AKT2: variants seen among roughly 807,000 people sequenced by gnomAD.
AKT2 encodes RAC-beta serine/threonine-protein kinase.
In AKT2, 16 loss-of-function variants were observed where a neutral mutation model predicts 58.6. That is an observed-to-expected ratio of 0.27 (90% CI 0.18 to 0.41). The LOEUF (loss-of-function observed/expected upper bound fraction) is 0.41. Among genes scored for constraint, AKT2 ranks in the 10% least tolerant of loss-of-function variants. The probability of loss-of-function intolerance (pLI) is 1.00; values close to 1 mark genes in which losing one functional copy is unlikely to be tolerated. For synonymous variants in AKT2, 253 were observed against 254.0 expected (o/e 1.00, Z 0.04); for missense variants, 438 against 661.0 (o/e 0.66, Z 3.70).
chr19:40,259,504 A>C (rs887691350), intron 2 of AKT2, among the ~76,000 whole-genome samples: 1 of 152,254 alleles, frequency 6.6e-6, no homozygotes, highest in African/African-American at 2.4e-5. Context: ...TACATGAGTA[A>C]ATCTCATTAC....
chr19:40,239,523 G>C, intron 7 of AKT2: 1 of 322,172 alleles, frequency 3.1e-6, no homozygotes, highest in South Asian at 2.6e-5. Context: ...AAGTACTGTG[G>C]CTTAATAGGA....
In AKT2 at chr19:40,232,092, G is replaced by A. The variant is rs530467989; in HGVS notation, c.*1780C>T. 289 of 233,626 alleles carry A rather than the reference G, an allele frequency of 1.2e-3. No homozygotes were observed. Among genetic ancestry groups the A allele is most frequent in the African/African-American group, 5.7e-3 (261 of 45,398 alleles). 14.5% of individuals were successfully genotyped at this position (233,626 alleles called of 1,614,324 possible). A position where few individuals can be genotyped will look rare whatever the true frequency, so the allele number is the denominator to read the frequency against. On this transcript the variant is annotated 3_prime_UTR_variant, in exon 14 of 14. Coordinates refer to ENST00000392038, the MANE Select transcript of AKT2 (RefSeq NM_001626.6). ...GCACTGAGGGCCTGGAGTGGTCTCT[G>A]TCCACCCCACCCCCACATGCGGGGA...
chr19:40,285,181 C>T lies in AKT2; in HGVS notation c.-85G>A, dbSNP rs2077493401. ...CGGGGACACGCGCTGGCGCACTCAC[C>T]TGTCACCGGCAGCCGCCCAGCCTCT... On this transcript the variant is annotated splice_region_variant and 5_prime_UTR_variant, in exon 1 of 14. Coordinates refer to ENST00000392038, the MANE Select transcript of AKT2 (RefSeq NM_001626.6). The T allele has an allele frequency of 2.5e-6, 1 of 394,426 alleles. No individual in the cohort carries two copies. The highest frequency in any genetic ancestry group is 4.5e-6 in the Non-Finnish European group (1 of 223,280). 24.4% of individuals were successfully genotyped at this position (394,426 alleles called of 1,614,324 possible). A position where few individuals can be genotyped will look rare whatever the true frequency, so the allele number is the denominator to read the frequency against.
At position 40,241,931 on chromosome 19, in the gene AKT2, C is replaced by A. The variant is rs2145202027; in HGVS notation, c.573+7G>T. ...AGGCTCGCGAGCGCAATTCCCGGGG[C>A]ACGCACCTTGGCAATGATGACTTCC... is the stretch of plus-strand genomic sequence containing the variant. On this transcript the variant is annotated splice_region_variant and intron_variant, in intron 6 of 13. Transcript: ENST00000392038. 6 of 1,613,702 alleles carry A rather than the reference C, an allele frequency of 3.7e-6. No individual in the cohort carries two copies. The highest frequency in any genetic ancestry group is 5.1e-6 in the Non-Finnish European group (6 of 1,180,028).
chr19:40,284,266 G>A (rs2077474793), intron 1 of AKT2, among the ~76,000 whole-genome samples: 1 of 152,150 alleles, frequency 6.6e-6, no homozygotes, highest in Non-Finnish European at 1.5e-5. Flanking sequence ...AGCGGGTGCA[G>A]GGGCACGGCT....
In AKT2 at chr19:40,230,639, C is replaced by G. The variant is rs1363835912; in HGVS notation, c.*3233G>C. ...GAGGTAATCAGCACCAAAATGAGTA[C>G]TCAAGGCCCTGCGACCTCGGGTGAA... On this transcript the variant is annotated 3_prime_UTR_variant, in exon 14 of 14. Coordinates refer to ENST00000392038, the MANE Select transcript of AKT2 (RefSeq NM_001626.6). 8.9e-6 allele frequency: 2 copies of G among 225,826 alleles called. No individual in the cohort carries two copies. The highest frequency in any genetic ancestry group is 2.2e-5 in the African/African-American group (1 of 44,892). The allele number at this position is 225,826 out of a possible 1,614,324, so 14.0% of individuals were successfully genotyped here.
chr19:40,262,674 C>G (rs183244885), intron 2 of AKT2, among the ~76,000 whole-genome samples: 16 of 152,368 alleles, frequency 1.1e-4, no homozygotes, highest in Admixed American at 8.5e-4. Flanking sequence ...GCTCTACCCA[C>G]TCCTTGCTGA....
intron 2 of AKT2, among the ~76,000 whole-genome samples, chr19:40,258,258 A>C (rs930349097): frequency 4.6e-5 from 7 of 151,082 alleles, no homozygotes; most frequent in Admixed American, 2.0e-4. Flanking sequence ...AAAAAAAAAA[A>C]AAAAACAAAA....
chr19:40,256,414 A>G (rs1212387979), intron 3 of AKT2, among the ~76,000 whole-genome samples: 3 of 152,210 alleles, frequency 2.0e-5, no homozygotes, highest in African/African-American at 7.2e-5. Context: ...CGATGTGGAC[A>G]GGACCATATT....
chr19:40,253,785 G>C (rs559284374), intron 4 of AKT2, among the ~76,000 whole-genome samples: 2 of 151,934 alleles, frequency 1.3e-5, no homozygotes, highest in African/African-American at 4.8e-5. Flanking sequence ...TGAGCCAAAG[G>C]CTGGAAACAA....
chr19:40,270,754 T>G lies in AKT2; in HGVS notation c.-84-5403A>C, dbSNP rs140319446. On this transcript the variant is annotated intron_variant, in intron 1 of 13. Coordinates refer to ENST00000392038, the MANE Select transcript of AKT2 (RefSeq NM_001626.6). ...GAAGCTGGACGTGGTGGCTCACGCG[T>G]GTAATCCCAGCACTTTGGAAGGCTG... 6.6e-5 allele frequency: 10 copies of G among 152,364 alleles called. 1 individual carries two copies. The highest frequency in any genetic ancestry group is 2.4e-4 in the African/African-American group (10 of 41,554). 9.4% of individuals were successfully genotyped at this position (152,364 alleles called of 1,614,324 possible). A position where few individuals can be genotyped will look rare whatever the true frequency, so the allele number is the denominator to read the frequency against.
In AKT2 at chr19:40,230,912, A is replaced by T. The variant is rs981047404; in HGVS notation, c.*2960T>A. On this transcript the variant is annotated 3_prime_UTR_variant, in exon 14 of 14. Coordinates refer to ENST00000392038, the MANE Select transcript of AKT2 (RefSeq NM_001626.6). ...AATTTTTGTATTTTTTGTAGAGATG[A>T]AGGTCTCCCTATGATGCCCAGGCTG... is the stretch of plus-strand genomic sequence containing the variant. 3 of 187,162 alleles carry T rather than the reference A, an allele frequency of 1.6e-5. No individual in the cohort carries two copies. Among genetic ancestry groups the T allele is most frequent in the African/African-American group, 4.7e-5 (2 of 42,624 alleles). The allele number at this position is 187,162 out of a possible 1,614,324, so 11.6% of individuals were successfully genotyped here. A position where few individuals can be genotyped will look rare whatever the true frequency, so the allele number is the denominator to read the frequency against.
intron 9 of AKT2, 59 bp from the exon 10 acceptor site, chr19:40,236,444 C>A: frequency 6.8e-6 from 11 of 1,611,702 alleles, no homozygotes; most frequent in East Asian, 6.7e-5. Flanking sequence ...GCCACCCCAG[C>A]CTTTCCTTCC....
rs998002912 is a variant in AKT2 at position 40,234,229 on chromosome 19, C to T, written c.1367-278G>A. ...CACCTTCTCTCTGCCCCACACACCA[C>T]CATGCCAGAGTCCAGCCCAGAGCCC... On this transcript the variant is annotated intron_variant, in intron 13 of 13. Transcript: ENST00000392038. This position sits in a 1 kb window ranked among gnomAD's most constrained non-coding sequence, Gnocchi z 4.7. 1.5e-4 allele frequency among the ~76,000 whole-genome samples: 23 copies of T among 152,216 alleles called. No homozygotes were observed. Among genetic ancestry groups the T allele is most frequent in the South Asian group, 2.1e-4 (1 of 4,836 alleles).
At position 40,235,168 on chromosome 19, in the gene AKT2, G is replaced by C; in HGVS notation, c.1264-21C>G. On this transcript the variant is annotated intron_variant, in intron 12 of 13. Transcript: ENST00000392038. This position sits in a 1 kb window ranked among gnomAD's most constrained non-coding sequence, Gnocchi z 6.3. ...AGGAGCTACGGAGGAGAGGAGCTCA[G>C]GCTCAGGGACCCTGAGGCCAGGAGG... 6.2e-7 allele frequency: 1 copy of C among 1,613,918 alleles called. No homozygotes were observed.
chr19:40,242,344 T>C lies in AKT2; in HGVS notation c.441+190A>G. 1 of 985,162 alleles carries C rather than the reference T, an allele frequency of 1.0e-6. No individual in the cohort carries two copies. The highest frequency in any genetic ancestry group is 1.6e-6 in the Non-Finnish European group (1 of 644,634). 61.0% of individuals were successfully genotyped at this position (985,162 alleles called of 1,614,324 possible). ...GAACCTGCAGTGGGTCCACCCAAGG[T>C]TGCTCCCTCCCCTACGGGCATGGAG... On this transcript the variant is annotated intron_variant, in intron 5 of 13. Transcript: ENST00000392038. The surrounding 1 kb of genome is among the most constrained non-coding windows in gnomAD (Gnocchi z 4.3).
chr19:40,233,035 G>C lies in AKT2; in HGVS notation c.*837C>G, dbSNP rs972343130. ...GCCCTCCACCCCCGCAGAGGAGAGGGTGAGCCCAGCCCATAGCCCCCAGTG... is the reference window on the plus strand; with the variant it reads ...GCCCTCCACCCCCGCAGAGGAGAGGCTGAGCCCAGCCCATAGCCCCCAGTG... On this transcript the variant is annotated 3_prime_UTR_variant, in exon 14 of 14. Transcript: ENST00000392038. This position sits in a 1 kb window ranked among gnomAD's most constrained non-coding sequence, Gnocchi z 4.3. 6 of 234,872 alleles carry C rather than the reference G, an allele frequency of 2.6e-5. No individual in the cohort carries two copies. The highest frequency in any genetic ancestry group is 1.3e-4 in the African/African-American group (6 of 45,334). The allele number at this position is 234,872 out of a possible 1,614,324, so 14.5% of individuals were successfully genotyped here.
At chr19:40,236,581 C>T (rs1974043799) in intron 9 of AKT2, 196 bp from the exon 10 acceptor site, 1 of 697,670 alleles carries the variant, frequency 1.4e-6, no homozygotes, top group Non-Finnish European at 2.4e-6. Flanking sequence ...CTGGCCCACC[C>T]CCATGGTACC....
chr19:40,265,443 T>C, intron 1 of AKT2, 92 bp from the exon 2 acceptor site: 1 of 1,486,142 alleles, frequency 6.7e-7, no homozygotes, highest in Non-Finnish European at 9.0e-7. Flanking sequence ...CCTCTGGCTG[T>C]TCTGCCCACT....
Sources: gnomAD v4.1 joint callset for allele counts (sites outside exome capture counted in the v4.1 genomes callset) on GRCh38, gnomAD v4.1.1 for gene constraint, Gnocchi (gnomAD v3.1) non-coding constraint, MANE v1.5 for transcripts, NCBI Gene and HGNC (gene_info 2026-07-23, HGNC 2026-07-21) for gene names.